Variants in LAMP1 observed in about 807,000 individuals in gnomAD.
LAMP1 encodes the protein lysosome associated membrane protein 1, also known as lysosome-associated membrane glycoprotein 1.
LAMP1 carries 7 observed loss-of-function variants against 37.5 expected under a neutral mutation model. The ratio of observed to expected loss-of-function variants is 0.19; its 90% CI spans 0.11 to 0.35. The LOEUF (loss-of-function observed/expected upper bound fraction) is 0.35. Ranked by LOEUF, LAMP1 falls within the 10% of genes least tolerant of loss-of-function variation. The pLI is 1.00. For missense variants in LAMP1, 537 were observed against 552.8 expected (o/e 0.97, Z 0.29); for synonymous variants, 236 against 229.1 (o/e 1.03, Z -0.27).
chr13:113,300,883 T>G (rs543628294), intron 1 of LAMP1, among the ~76,000 whole-genome samples: 4 of 152,304 alleles, frequency 2.6e-5, no homozygotes, highest in African/African-American at 9.6e-5. Context: ...TTGTCAGTTA[T>G]GCGGTGGAAA....
At position 113,310,097 on chromosome 13, in the gene LAMP1, C is replaced by T. The variant is rs548148772; in HGVS notation, c.403+235C>T. Among the ~76,000 whole-genome samples the T allele has an allele frequency of 3.2e-3, 481 of 152,088 alleles. 3 individuals are homozygous for T. The highest frequency in any genetic ancestry group is 5.9e-3 in the Non-Finnish European group (398 of 67,992). ...TACTAAAATTAGCCAGGTGTGGTGG[C>T]GGGCACCTGTAATCCCAGCTACTCG... On this transcript the variant is annotated intron_variant, in intron 3 of 8. Transcript: ENST00000332556.
intron 4 of LAMP1, among the ~76,000 whole-genome samples, chr13:113,317,239 C>T (rs2042670548): frequency 6.6e-6 from 1 of 152,152 alleles, no homozygotes; most frequent in Non-Finnish European, 1.5e-5. Context: ...TCCTGTGCCA[C>T]CATCTCCCCC....
At chr13:113,307,372 G>A (rs1307702256) in intron 2 of LAMP1, among the ~76,000 whole-genome samples, 1 of 150,030 alleles carries the variant, frequency 6.7e-6, no homozygotes, top group Non-Finnish European at 1.5e-5. Context: ...TGGCCAGGGT[G>A]GTCTCAAACT....
chr13:113,317,748 A>G (rs2042674423), intron 4 of LAMP1, among the ~76,000 whole-genome samples: 1 of 147,208 alleles, frequency 6.8e-6, no homozygotes, highest in African/African-American at 2.5e-5. Context: ...GTGCAGTGGC[A>G]CAATAACTGC....
intron 2 of LAMP1, among the ~76,000 whole-genome samples, chr13:113,307,363 G>A (rs2042605397): frequency 6.7e-6 from 1 of 150,078 alleles, no homozygotes; most frequent in South Asian, 2.1e-4. Flanking sequence ...TCACCATGTT[G>A]GCCAGGGTGG....
chr13:113,313,361 T>C (rs1236522200), intron 4 of LAMP1, among the ~76,000 whole-genome samples: 1 of 152,254 alleles, frequency 6.6e-6, no homozygotes, highest in Non-Finnish European at 1.5e-5. Context: ...CTTAGGTTTC[T>C]GTGTATTCTC....
At position 113,321,353 on chromosome 13, in the gene LAMP1, T is replaced by C; in HGVS notation, c.877-51T>C. 6.9e-7 allele frequency: 1 copy of C among 1,446,016 alleles called. No homozygotes were observed. The allele number at this position is 1,446,016 out of a possible 1,614,324, so 89.6% of individuals were successfully genotyped here. ...TGTGTGAATCTACTGGGGTTAAAGA[T>C]CATCTTTCTATGAATCTGCTCCGTG... On this transcript the variant is annotated intron_variant, in intron 6 of 8. Transcript: ENST00000332556. This position sits in a 1 kb window ranked among gnomAD's most constrained non-coding sequence, Gnocchi z 5.6.
chr13:113,315,417 T>G (rs1595462123), intron 4 of LAMP1, among the ~76,000 whole-genome samples: 2 of 104,654 alleles, frequency 1.9e-5, no homozygotes, highest in African/African-American at 6.6e-5. Context: ...TGAGAGGGAG[T>G]CTTGCTCTGT....
chr13:113,316,726 A>AT (rs985889837), intron 4 of LAMP1, among the ~76,000 whole-genome samples: 96 of 149,636 alleles, frequency 6.4e-4, no homozygotes, highest in Admixed American at 9.4e-4. Flanking sequence ...CAGCTGCAGC[A>AT]TTTTTTTTTC....
At position 113,301,558 on chromosome 13, in the gene LAMP1, G is replaced by A. The variant is rs2042571145; in HGVS notation, c.61+4063G>A. Among the ~76,000 whole-genome samples the A allele has an allele frequency of 2.0e-5, 3 of 149,934 alleles. No individual in the cohort carries two copies. In the Admixed American group the frequency reaches 2.0e-4, roughly 10 times the overall value. On this transcript the variant is annotated intron_variant, in intron 1 of 8. Transcript: ENST00000332556. ...GAATTGCTTGAGCCCGGGAGGCGGAGGTTGCAGTGAGCGAAGATCATGCTA... is the reference window on the plus strand; with the variant it reads ...GAATTGCTTGAGCCCGGGAGGCGGAAGTTGCAGTGAGCGAAGATCATGCTA...
rs1322687758 is a variant in LAMP1 at position 113,323,180 on chromosome 13, G to C, written c.*759G>C. On this transcript the variant is annotated 3_prime_UTR_variant, in exon 9 of 9. Coordinates refer to ENST00000332556, the MANE Select transcript of LAMP1 (RefSeq NM_005561.4). ...CGTTCCAGTGGCGGCACGTCCTTGG[G>C]CGTCTCTAATGTCTGCAGCTCAAGG... The C allele has an allele frequency of 6.6e-6, 1 of 152,216 alleles. No individual in the cohort carries two copies. The highest frequency in any genetic ancestry group is 2.4e-5 in the African/African-American group (1 of 41,446). 9.4% of individuals were successfully genotyped at this position (152,216 alleles called of 1,614,324 possible).
intron 1 of LAMP1, chr13:113,304,820 A>G (rs1196791046): frequency 6.6e-6 from 1 of 151,806 alleles, no homozygotes; most frequent in Non-Finnish European, 1.5e-5. Flanking sequence ...CCATGCCCAG[A>G]TAATTTTTGT....
At chr13:113,300,377 G>A (rs1190246613) in intron 1 of LAMP1, among the ~76,000 whole-genome samples, 2 of 151,722 alleles carry the variant, frequency 1.3e-5, no homozygotes, top group Non-Finnish European at 2.9e-5. Context: ...TTCCAGCTAC[G>A]TGGGAGGCTG....
At chr13:113,299,008 C>G (rs1318293486) in intron 1 of LAMP1, among the ~76,000 whole-genome samples, 1 of 152,112 alleles carries the variant, frequency 6.6e-6, no homozygotes, top group African/African-American at 2.4e-5. Flanking sequence ...GGCATGGTGG[C>G]GCACGCCTGT....
chr13:113,301,343 G>A (rs1009822922), intron 1 of LAMP1, among the ~76,000 whole-genome samples: 4 of 151,982 alleles, frequency 2.6e-5, no homozygotes, highest in Middle Eastern at 3.4e-3. Flanking sequence ...ATATACGGCC[G>A]GGCACGGTGG....
Position 113,322,353 on chromosome 13 carries a change from G to C in LAMP1, c.1186G>C (p.Val396Leu). 1 of 1,607,608 alleles carries C rather than the reference G, an allele frequency of 6.2e-7. No homozygotes were observed. The highest frequency in any genetic ancestry group is 8.5e-7 in the Non-Finnish European group (1 of 1,176,916). Residue 396 changes from valine (V) to leucine (L), a missense_variant, in exon 9 of 9, where the codon GTC (valine) becomes CTC (leucine). Val to Leu is a conservative substitution (Grantham distance 32, BLOSUM62 1). Coordinates refer to ENST00000332556, the MANE Select transcript of LAMP1 (RefSeq NM_005561.4). ...TGTGGGTGGTGCCCTGGCGGGGCTG[G>C]TCCTCATCGTCCTCATCGCCTACCT... The part of the protein sequence containing the change: ...IAVGGALAGL[V>L]LIVLIAYLVG...
intron 2 of LAMP1, among the ~76,000 whole-genome samples, chr13:113,308,062 T>G (rs2042609511): frequency 6.6e-6 from 1 of 151,760 alleles, no homozygotes; most frequent in Admixed American, 6.6e-5. Flanking sequence ...CCCAGGTGGC[T>G]GGAGTACAGT....
Position 113,322,565 on chromosome 13 carries a change from T to C in LAMP1, c.*144T>C. 1.4e-6 allele frequency: 1 copy of C among 692,664 alleles called. No individual in the cohort carries two copies. The highest frequency in any genetic ancestry group is 1.8e-5 in the African/African-American group (1 of 55,246). 42.9% of individuals were successfully genotyped at this position (692,664 alleles called of 1,614,324 possible). On this transcript the variant is annotated 3_prime_UTR_variant, in exon 9 of 9. Coordinates refer to ENST00000332556, the MANE Select transcript of LAMP1 (RefSeq NM_005561.4). ...GTGAAGTTCATCTTGCAGCATTTAC[T>C]ATGCACAACAGAGTAACTATCGAAA... is the stretch of plus-strand genomic sequence containing the variant.
intron 4 of LAMP1, 110 bp downstream of exon 4, chr13:113,310,977 G>A (rs905376493): frequency 1.1e-5 from 10 of 888,904 alleles, no homozygotes; most frequent in African/African-American, 6.7e-5. Flanking sequence ...TGCCTGGAAC[G>A]CGTGTGCACA....
Sources: gnomAD v4.1 joint callset for allele counts (sites outside exome capture counted in the v4.1 genomes callset) on GRCh38, gnomAD v4.1.1 for gene constraint, Gnocchi (gnomAD v3.1) non-coding constraint, MANE v1.5 for transcripts, NCBI Gene and HGNC (gene_info 2026-07-23, HGNC 2026-07-21) for gene names.